The following PHLPP1 variants were observed in gnomAD, a reference collection of about 807,000 sequenced individuals.
PHLPP1 encodes PH domain and leucine rich repeat protein phosphatase 1, also known as PH domain leucine-rich repeat-containing protein phosphatase 1.
A neutral mutation model predicts 117.2 loss-of-function variants in PHLPP1; 42 were observed. The observed-to-expected ratio is 0.36, with a 90% CI of 0.28 to 0.46. The LOEUF is 0.46. PHLPP1 is among the 20% of genes least tolerant of loss of function. The probability of loss-of-function intolerance (pLI) is 1.00; values close to 1 mark genes in which losing one functional copy is unlikely to be tolerated. For synonymous variants in PHLPP1, 1,042 were observed against 970.7 expected, an observed-to-expected ratio of 1.07 and a Z score of -1.37; for missense variants, 2,084 against 2,241.9, an observed-to-expected ratio of 0.93 and a Z score of 1.42.
intron 1 of PHLPP1, among the ~76,000 whole-genome samples, chr18:62,804,127 G>C (rs1470228111): frequency 1.6e-4 from 24 of 152,142 alleles, no homozygotes. Flanking sequence ...TGAAGGAGAG[G>C]CAAGTACCTT....
At chr18:62,929,484 G>T (rs1243092058) in intron 10 of PHLPP1, among the ~76,000 whole-genome samples, 1 of 152,184 alleles carries the variant, frequency 6.6e-6, no homozygotes, top group African/African-American at 2.4e-5. Flanking sequence ...ACAGAAAGCT[G>T]TTTGGGCGTG....
chr18:62,782,692 TA>T (rs1913152578), intron 1 of PHLPP1, among the ~76,000 whole-genome samples: 1 of 152,178 alleles, frequency 6.6e-6, no homozygotes, highest in South Asian at 2.1e-4. Flanking sequence ...CTGACTTTAA[TA>T]TCTATCCCTA....
intron 1 of PHLPP1, among the ~76,000 whole-genome samples, chr18:62,769,287 G>A (rs1385648322): frequency 1.3e-5 from 2 of 152,182 alleles, no homozygotes; most frequent in East Asian, 3.8e-4. Flanking sequence ...TCCAGAGGTA[G>A]GAATGTTCTT....
At chr18:62,776,960 C>G (rs1195410424) in intron 1 of PHLPP1, among the ~76,000 whole-genome samples, 1 of 152,146 alleles carries the variant, frequency 6.6e-6, no homozygotes, top group Admixed American at 6.5e-5. Context: ...TAGTCATTCT[C>G]CTATTGATGG....
chr18:62,762,412 T>A (rs1378023637), intron 1 of PHLPP1, among the ~76,000 whole-genome samples: 1 of 149,766 alleles, frequency 6.7e-6, no homozygotes, highest in African/African-American at 2.4e-5. Flanking sequence ...TTTATTTTTT[T>A]ATCTTTTTTT....
chr18:62,916,747 C>CTTTTTTTTTTT lies in PHLPP1; in HGVS notation c.2804+1753_2804+1763dup, dbSNP rs10538704. Among the ~76,000 whole-genome samples, 53 of 71,090 alleles carry CTTTTTTTTTTT rather than the reference C, an allele frequency of 7.5e-4. 1 individual carries two copies. Among genetic ancestry groups the CTTTTTTTTTTT allele is most frequent in the African/African-American group, 9.5e-4 (16 of 16,784 alleles). 46.6% of individuals were successfully genotyped at this position (71,090 alleles called of 152,430 possible). A position where few individuals can be genotyped will look rare whatever the true frequency, so the allele number is the denominator to read the frequency against. ...TTCTTCTATTTTCTTTCCTTCTATT[C>CTTTTTTTTTTT]TTTTTTTTTTTTTTTTTTTTTTTTG... On this transcript the variant is annotated intron_variant, in intron 9 of 16. Transcript: ENST00000262719.
At chr18:62,837,166 G>GT (rs1914928673) in intron 2 of PHLPP1, among the ~76,000 whole-genome samples, 2 of 151,982 alleles carry the variant, frequency 1.3e-5, no homozygotes, top group Non-Finnish European at 2.9e-5. Context: ...TTGTTTTTCT[G>GT]TTTTTTGTAG....
chr18:62,877,559 G>C (rs996623283), intron 4 of PHLPP1, among the ~76,000 whole-genome samples: 1 of 152,202 alleles, frequency 6.6e-6, no homozygotes, highest in African/African-American at 2.4e-5. Flanking sequence ...TCCACTACCA[G>C]GGTTCCATGA....
intron 4 of PHLPP1, among the ~76,000 whole-genome samples, chr18:62,875,965 T>C (rs994167241): frequency 4.6e-5 from 7 of 152,106 alleles, no homozygotes; most frequent in Non-Finnish European, 7.4e-5. Flanking sequence ...ACTCCTGACC[T>C]GAGATGATCT....
At chr18:62,784,266 A>G (rs1913211637) in intron 1 of PHLPP1, among the ~76,000 whole-genome samples, 1 of 152,216 alleles carries the variant, frequency 6.6e-6, no homozygotes, top group Non-Finnish European at 1.5e-5. Context: ...ACATCCTACA[A>G]TACACAGGAT....
intron 4 of PHLPP1, among the ~76,000 whole-genome samples, chr18:62,887,960 G>A (rs1916322265): frequency 6.6e-6 from 1 of 151,920 alleles, no homozygotes; most frequent in Non-Finnish European, 1.5e-5. Context: ...GGCTAGTCTT[G>A]GACTCCTGGG....
intron 1 of PHLPP1, among the ~76,000 whole-genome samples, chr18:62,756,328 C>G (rs1036274634): frequency 1.3e-5 from 2 of 152,148 alleles, no homozygotes; most frequent in African/African-American, 2.4e-5. Context: ...ACCCAGCCAC[C>G]AGGGAGCTAG....
chr18:62,790,367 A>G (rs1488402948), intron 1 of PHLPP1, among the ~76,000 whole-genome samples: 3 of 152,222 alleles, frequency 2.0e-5, no homozygotes, highest in Non-Finnish European at 2.9e-5. Context: ...TGTTTTATGA[A>G]TATCATTTAT....
intron 1 of PHLPP1, among the ~76,000 whole-genome samples, chr18:62,771,136 C>T (rs1912755869): frequency 6.6e-6 from 1 of 151,640 alleles, no homozygotes. Context: ...ATCGCTTGAA[C>T]CCGGGAGGTG....
At position 62,958,881 on chromosome 18, in the gene PHLPP1, C is replaced by T. The variant is rs997986473; in HGVS notation, c.3455+122C>T. 9 of 1,072,484 alleles carry T rather than the reference C, an allele frequency of 8.4e-6. No individual in the cohort carries two copies. The African/African-American group carries it at 1.4e-4, about 17-fold the overall frequency. The allele number at this position is 1,072,484 out of a possible 1,614,324, so 66.4% of individuals were successfully genotyped here. The stretch of plus-strand genomic sequence containing the variant: ...GACTTGTTAGCTGTGTTAACACACA[C>T]AACAGGATATACAAGATGCAGGGAA... On this transcript the variant is annotated intron_variant, in intron 13 of 16. Transcript: ENST00000262719.
At chr18:62,809,642 C>T (rs1412348855) in intron 1 of PHLPP1, among the ~76,000 whole-genome samples, 2 of 151,752 alleles carry the variant, frequency 1.3e-5, no homozygotes, top group African/African-American at 4.8e-5. Context: ...GCGGAGCTTG[C>T]GGTGAGCTGA....
intron 2 of PHLPP1, among the ~76,000 whole-genome samples, chr18:62,834,947 A>G (rs1914851146): frequency 6.6e-6 from 1 of 152,118 alleles, no homozygotes; most frequent in Admixed American, 6.5e-5. Context: ...TTTTTTAAAA[A>G]ATCGTATTTT....
chr18:62,833,842 C>T (rs1354283137), intron 2 of PHLPP1, among the ~76,000 whole-genome samples: 1 of 152,088 alleles, frequency 6.6e-6, no homozygotes, highest in Non-Finnish European at 1.5e-5. Context: ...AACAACAGTG[C>T]TGCTGCTATA....
At chr18:62,920,710 C>A (rs1049844935) in intron 10 of PHLPP1, among the ~76,000 whole-genome samples, 2 of 152,106 alleles carry the variant, frequency 1.3e-5, no homozygotes, top group African/African-American at 4.8e-5. Flanking sequence ...CAGGCATGTG[C>A]CACCACGCCC....
Sources: gnomAD v4.1 joint callset for allele counts (sites outside exome capture counted in the v4.1 genomes callset) on GRCh38, gnomAD v4.1.1 for gene constraint, MANE v1.5 for transcripts, NCBI Gene and HGNC (gene_info 2026-07-23, HGNC 2026-07-21) for gene names.